Variants in CLSTN3 observed in about 807,000 individuals in gnomAD.
The protein encoded by CLSTN3 is calsyntenin 3.
CLSTN3 carries 36 observed loss-of-function variants against 95.9 expected under a neutral mutation model. The ratio of observed to expected loss-of-function variants is 0.38; its 90% CI spans 0.29 to 0.50. The LOEUF is 0.50. CLSTN3 is among the 20% of genes least tolerant of loss of function. The probability of loss-of-function intolerance (pLI) is 0.95; values close to 1 mark genes in which losing one functional copy is unlikely to be tolerated. For missense variants in CLSTN3, 1,084 were observed against 1,268.8 expected, an observed-to-expected ratio of 0.85 and a Z score of 2.21; for synonymous variants, 481 against 504.0, an observed-to-expected ratio of 0.95 and a Z score of 0.61.
chr12:7,147,059 A>G (rs1238536239), intron 12 of CLSTN3, among the ~76,000 whole-genome samples: 2 of 152,148 alleles, frequency 1.3e-5, no homozygotes, highest in African/African-American at 4.8e-5. Flanking sequence ...AGTAACACTA[A>G]TAATTACAGT....
chr12:7,148,160 G>GAAAGAAAGAA (rs1939655662), intron 12 of CLSTN3, among the ~76,000 whole-genome samples: 1 of 39,226 alleles, frequency 2.5e-5, no homozygotes, highest in African/African-American at 1.6e-4. Context: ...CCATCAAAAA[G>GAAAGAAAGAA]AAAGAAAGAA....
Position 7,141,432 on chromosome 12 carries a change from G to T in CLSTN3, c.1486+28G>T. ...AAGCTTCTCAGTGAAGACTCCAGTG[G>T]TTCAGGATTTGGGAAGGGAGGTAGG... is the stretch of plus-strand genomic sequence containing the variant. On this transcript the variant is annotated intron_variant, in intron 9 of 17. Transcript: ENST00000266546. The surrounding 1 kb of genome is among the most constrained non-coding windows in gnomAD (Gnocchi z 4.1). The T allele has an allele frequency of 1.9e-6, 3 of 1,613,710 alleles. No individual in the cohort carries two copies. Among genetic ancestry groups the T allele is most frequent in the Non-Finnish European group, 2.5e-6 (3 of 1,179,714 alleles).
rs762586760 is a variant in CLSTN3 at position 7,157,462 on chromosome 12, C to T, written c.2528-27C>T. ...GCCCCCAGGTGTGCCTAGTCACGCT[C>T]TGCTCACCCCCGCGCTCTCTCTGCA... is the stretch of plus-strand genomic sequence containing the variant. On this transcript the variant is annotated intron_variant, in intron 16 of 17. Coordinates refer to ENST00000266546, the MANE Select transcript of CLSTN3 (RefSeq NM_014718.4). This position sits in a 1 kb window ranked among gnomAD's most constrained non-coding sequence, Gnocchi z 5.9. 9 of 1,533,018 alleles carry T rather than the reference C, an allele frequency of 5.9e-6. No individual in the cohort carries two copies. The African/African-American group carries it at 1.1e-4, about 19-fold the overall frequency. The allele number at this position is 1,533,018 out of a possible 1,614,324, so 95.0% of individuals were successfully genotyped here. A position where few individuals can be genotyped will look rare whatever the true frequency, so the allele number is the denominator to read the frequency against.
Position 7,150,029 on chromosome 12 carries a change from C to G in CLSTN3, c.2245+336C>G, listed in dbSNP as rs767658111. On this transcript the variant is annotated intron_variant, in intron 14 of 17. Transcript: ENST00000266546. This position sits in a 1 kb window ranked among gnomAD's most constrained non-coding sequence, Gnocchi z 4.0. ...TAACCCTCTAGCTGTCTGTTTGTTA[C>G]CGGTCATCTCTGTTGTTCAGCTCAC... 2.6e-5 allele frequency among the ~76,000 whole-genome samples: 4 copies of G among 152,196 alleles called. No homozygotes were observed. Among genetic ancestry groups the G allele is most frequent in the Non-Finnish European group, 4.4e-5 (3 of 68,044 alleles).
chr12:7,130,204 C>A, upstream of CLSTN3: 1 of 249,724 alleles, frequency 4.0e-6, no homozygotes, highest in Non-Finnish European at 7.4e-6. Flanking sequence ...CCCGCAGTTC[C>A]TCGGCTCCCC....
chr12:7,149,099 G>A lies in CLSTN3; in HGVS notation c.1975G>A (p.Glu659Lys). The A allele has an allele frequency of 6.2e-7, 1 of 1,614,224 alleles. No individual in the cohort carries two copies. The highest frequency in any genetic ancestry group is 8.5e-7 in the Non-Finnish European group (1 of 1,180,028). Residue 659 changes from glutamate to lysine, a missense_variant, in exon 13 of 18, where the codon GAG (glutamate) becomes AAG (lysine). Coordinates refer to ENST00000266546, the MANE Select transcript of CLSTN3 (RefSeq NM_014718.4). This position sits in a 1 kb window ranked among gnomAD's most constrained non-coding sequence, Gnocchi z 4.5. The part of the protein sequence containing the change: ...AHFARPAVDF[E>K]GTNGVPLFPD... The stretch of plus-strand genomic sequence containing the variant: ...TTTTGCCCGCCCAGCTGTGGACTTT[G>A]AGGGAACCAACGGCGTCCCTTTGTT...
intron 1 of CLSTN3, chr12:7,131,485 G>A (rs1868798): frequency 0.16 from 44,865 of 281,872 alleles, 4,194 homozygotes; most frequent in East Asian, 0.43. Flanking sequence ...GTAAGGAGGG[G>A]ATGGAAAAGG....
intron 5 of CLSTN3, 66 bp from the exon 6 acceptor site, chr12:7,136,140 G>A (rs944836814): frequency 6.4e-7 from 1 of 1,555,828 alleles, no homozygotes; most frequent in African/African-American, 1.4e-5. Flanking sequence ...GGCAAGAGGA[G>A]CATGGAGAGG....
At chr12:7,155,850 G>A (rs1211862518) in intron 16 of CLSTN3, 1 of 202,960 alleles carries the variant, frequency 4.9e-6, no homozygotes, top group East Asian at 1.5e-4. Context: ...GGAGGTGTGT[G>A]GCCTGCCCAG....
Position 7,149,430 on chromosome 12 carries a change from A to G in CLSTN3, c.2075-93A>G. 3.3e-6 allele frequency: 4 copies of G among 1,220,860 alleles called. No homozygotes were observed. Among genetic ancestry groups the G allele is most frequent in the Non-Finnish European group, 4.7e-6 (4 of 857,202 alleles). 75.6% of individuals were successfully genotyped at this position (1,220,860 alleles called of 1,614,324 possible). ...TGACTTCCCTCTCCCTGGCCCTGGAAAGGGAGGGAGAGTGGTGATGAGGGC... is the reference window on the plus strand; with the variant it reads ...TGACTTCCCTCTCCCTGGCCCTGGAGAGGGAGGGAGAGTGGTGATGAGGGC... On this transcript the variant is annotated intron_variant, in intron 13 of 17. Coordinates refer to ENST00000266546, the MANE Select transcript of CLSTN3 (RefSeq NM_014718.4). The surrounding 1 kb of genome is among the most constrained non-coding windows in gnomAD (Gnocchi z 4.5).
Position 7,149,254 on chromosome 12 carries a change from C to A in CLSTN3, c.2074+56C>A. The stretch of plus-strand genomic sequence containing the variant: ...CAGAGAACCAGCCAGTGTCTGGAGT[C>A]AGAGTGTGGGAGAACTCCTGGGGCT... On this transcript the variant is annotated intron_variant, in intron 13 of 17. Transcript: ENST00000266546. The surrounding 1 kb of genome is among the most constrained non-coding windows in gnomAD (Gnocchi z 4.5). The A allele has an allele frequency of 6.8e-7, 1 of 1,461,018 alleles. No homozygotes were observed. Among genetic ancestry groups the A allele is most frequent in the Non-Finnish European group, 9.5e-7 (1 of 1,050,760 alleles). The allele number at this position is 1,461,018 out of a possible 1,614,324, so 90.5% of individuals were successfully genotyped here.
At chr12:7,132,930 C>T (rs759921761) in intron 1 of CLSTN3, 94 bp from the exon 2 acceptor site, 3 of 1,555,438 alleles carry the variant, frequency 1.9e-6, no homozygotes, top group African/African-American at 2.7e-5. Flanking sequence ...GGTGATGGTG[C>T]TGGGGTGTGA....
rs746709429 is a variant in CLSTN3, at chr12:7,150,634, G to A, written c.2336G>A (p.Arg779Gln). ...HGAALYTRKF[R>Q]LSCSEMNGRY... ...GCTGCCCTCTACACCAGGAAGTTCCGGCTTTCCTGCTCGGAAATGAATGGC... is the reference window on the plus strand; with the variant it reads ...GCTGCCCTCTACACCAGGAAGTTCCAGCTTTCCTGCTCGGAAATGAATGGC... Residue 779 changes from arginine (R) to glutamine (Q), a missense_variant, in exon 15 of 18, where the codon CGG (arginine) becomes CAG (glutamine). By Grantham distance (43) the Arg-to-Gln change is conservative (BLOSUM62 1). Transcript: ENST00000266546. The surrounding 1 kb of genome is among the most constrained non-coding windows in gnomAD (Gnocchi z 4.0). The A allele has an allele frequency of 8.1e-6, 13 of 1,614,052 alleles. No individual in the cohort carries two copies. Among genetic ancestry groups the A allele is most frequent in the Middle Eastern group, 1.6e-4 (1 of 6,082 alleles).
chr12:7,133,068 G>A lies in CLSTN3; in HGVS notation c.109G>A (p.Val37Ile), dbSNP rs202081537. 34 of 1,613,966 alleles carry A rather than the reference G, an allele frequency of 2.1e-5. No homozygotes were observed. The highest frequency in any genetic ancestry group is 5.0e-5 in the Admixed American group (3 of 59,986). The change falls in exon 2 of 18, where the codon GTC (valine) becomes ATC (isoleucine). Residue 37 changes from valine (V) to isoleucine (I), a missense_variant. By Grantham distance (29) the Val-to-Ile change is conservative. Transcript: ENST00000266546. This position sits in a 1 kb window ranked among gnomAD's most constrained non-coding sequence, Gnocchi z 4.7. ...PWIEAEYQGIVMENDNTVLLN... is the reference protein window; with the variant it reads ...PWIEAEYQGIIMENDNTVLLN... ...GATTGAGGCAGAGTACCAGGGCATC[G>A]TCATGGAGAATGACAACACGGTCCT...
In CLSTN3 at chr12:7,141,499, G is replaced by A. The variant is rs755822675; in HGVS notation, c.1486+95G>A. On this transcript the variant is annotated intron_variant, in intron 9 of 17. Coordinates refer to ENST00000266546, the MANE Select transcript of CLSTN3 (RefSeq NM_014718.4). The surrounding 1 kb of genome is among the most constrained non-coding windows in gnomAD (Gnocchi z 4.1). ...GCAGTCTGACCCAGCAGCTGAGGCC[G>A]CCTCCTGCATCTCTCTGCAGCTGTG... 242 of 1,292,046 alleles carry A rather than the reference G, an allele frequency of 1.9e-4. No individual in the cohort carries two copies. Among genetic ancestry groups the A allele is most frequent in the African/African-American group, 6.9e-4 (47 of 67,980 alleles). The allele number at this position is 1,292,046 out of a possible 1,614,324, so 80.0% of individuals were successfully genotyped here.
At chr12:7,132,959 G>A (rs750319705) in intron 1 of CLSTN3, 65 bp from the exon 2 acceptor site, 3 of 1,607,506 alleles carry the variant, frequency 1.9e-6, no homozygotes, top group Admixed American at 3.4e-5. Context: ...GGTCAACAAG[G>A]GTTGTTGTGG....
intron 1 of CLSTN3, chr12:7,132,623 T>C (rs750334146): frequency 2.2e-6 from 1 of 462,002 alleles, no homozygotes; most frequent in Non-Finnish European, 3.9e-6. Context: ...GCCCTTAATC[T>C]ATCCCTTCCC....
chr12:7,131,441 G>GA (rs750059471), intron 1 of CLSTN3: 37 of 243,864 alleles, frequency 1.5e-4, no homozygotes, highest in Admixed American at 5.0e-4. Flanking sequence ...GGAAAGCTGA[G>GA]AAGGAGAAGA....
In CLSTN3 at chr12:7,137,407, T is replaced by C; in HGVS notation, c.1210+297T>C. 2.5e-6 allele frequency: 1 copy of C among 397,028 alleles called. No homozygotes were observed. The highest frequency in any genetic ancestry group is 2.9e-5 in the South Asian group (1 of 33,958). The allele number at this position is 397,028 out of a possible 1,614,324, so 24.6% of individuals were successfully genotyped here. A position where few individuals can be genotyped will look rare whatever the true frequency, so the allele number is the denominator to read the frequency against. On this transcript the variant is annotated intron_variant, in intron 7 of 17. Coordinates refer to ENST00000266546, the MANE Select transcript of CLSTN3 (RefSeq NM_014718.4). The surrounding 1 kb of genome is among the most constrained non-coding windows in gnomAD (Gnocchi z 4.4). ...TCCCCACCCCCCATCTCCACCTCCATTAAAGCCCCTCCATTGCAATGGGAA... is the reference window on the plus strand; with the variant it reads ...TCCCCACCCCCCATCTCCACCTCCACTAAAGCCCCTCCATTGCAATGGGAA...
Sources: allele counts gnomAD v4.1 joint callset (sites outside exome capture counted in the v4.1 genomes callset), GRCh38; gene constraint gnomAD v4.1.1; non-coding constraint Gnocchi (gnomAD v3.1); transcripts MANE v1.5; gene names NCBI Gene and HGNC (gene_info 2026-07-23, HGNC 2026-07-21).